Variants in EXOC6 observed in about 807,000 individuals in gnomAD.
EXOC6 encodes SEC15-like 1.
In EXOC6, 60 loss-of-function variants were observed where a neutral mutation model predicts 112.5. That is an observed-to-expected ratio of 0.53 (90% CI 0.43 to 0.66). The LOEUF (loss-of-function observed/expected upper bound fraction) is 0.66, where lower values mean the gene tolerates loss of function less well. Ranked by LOEUF, EXOC6 falls within the 30% of genes least tolerant of loss-of-function variation. The pLI is 0.00. For missense variants in EXOC6, 855 were observed against 957.1 expected, an observed-to-expected ratio of 0.89 and a Z score of 1.41; for synonymous variants, 295 against 308.0, an observed-to-expected ratio of 0.96 and a Z score of 0.44.
intron 1 of EXOC6, among the ~76,000 whole-genome samples, chr10:92,840,900 C>T (rs867684761): frequency 3.3e-5 from 5 of 152,128 alleles, no homozygotes; most frequent in East Asian, 3.9e-4. Context: ...TCCAGAAATC[C>T]GCCTGCCTTG....
chr10:92,919,996 G>A lies in EXOC6; in HGVS notation c.834G>A (p.Gln278=). ...TTAATTTTCAGATCTTAACTGTTCA[G>A]GATCTTGTTGATTTTTCCCCTGTTT... ...DENEEEILTV[Q]DLVDFSPVYR... is the part of the protein sequence containing the mutation. The change falls in exon 8 of 22, where the codon CAG becomes CAA. Residue 278 remains glutamine, a synonymous_variant. Transcript: ENST00000260762. 6.2e-7 allele frequency: 1 copy of A among 1,604,790 alleles called. No individual in the cohort carries two copies. Among genetic ancestry groups the A allele is most frequent in the Non-Finnish European group, 8.5e-7 (1 of 1,175,008 alleles).
intron 1 of EXOC6, among the ~76,000 whole-genome samples, chr10:92,858,208 C>A (rs1436995139): frequency 6.6e-6 from 1 of 151,956 alleles, no homozygotes; most frequent in African/African-American, 2.4e-5. Flanking sequence ...ATATGGATCT[C>A]TTTATGTTTA....
chr10:92,842,775 C>T (rs1564763947), intron 1 of EXOC6, among the ~76,000 whole-genome samples: 3 of 152,030 alleles, frequency 2.0e-5, no homozygotes, highest in African/African-American at 7.2e-5. Context: ...TGATATTGTT[C>T]TTTAACTGCT....
intron 18 of EXOC6, among the ~76,000 whole-genome samples, chr10:92,976,355 T>C (rs1015786778): frequency 1.3e-5 from 2 of 152,224 alleles, no homozygotes; most frequent in African/African-American, 4.8e-5. Context: ...TGTTGATCTG[T>C]GACCTTACCC....
chr10:92,947,236 C>T (rs1469984171), intron 13 of EXOC6, among the ~76,000 whole-genome samples: 2 of 152,190 alleles, frequency 1.3e-5, no homozygotes, highest in African/African-American at 4.8e-5. Flanking sequence ...GTTTCCTAGT[C>T]AGAGATACAA....
At chr10:92,903,093 A>G (rs1461328443) in intron 5 of EXOC6, among the ~76,000 whole-genome samples, 1 of 152,124 alleles carries the variant, frequency 6.6e-6, no homozygotes, top group Non-Finnish European at 1.5e-5. Flanking sequence ...AATGAATGCT[A>G]CACTTTTTAA....
intron 17 of EXOC6, among the ~76,000 whole-genome samples, chr10:92,963,661 A>G (rs28631480): frequency 2.0e-5 from 3 of 150,008 alleles, no homozygotes; most frequent in Non-Finnish European, 4.4e-5. Flanking sequence ...CCGATTTTTT[A>G]AAATTTATTT....
intron 18 of EXOC6, among the ~76,000 whole-genome samples, chr10:92,993,181 A>T (rs1330934514): frequency 6.6e-6 from 1 of 152,148 alleles, no homozygotes; most frequent in Non-Finnish European, 1.5e-5. Context: ...CAAGAGTTAG[A>T]CTTTTTAAAC....
chr10:92,940,917 C>A, intron 13 of EXOC6, 93 bp downstream of exon 13: 1 of 835,180 alleles, frequency 1.2e-6, no homozygotes, highest in South Asian at 1.6e-5. Context: ...TGCTTATAAT[C>A]ATTTTTATTG....
chr10:92,926,522 G>GA (rs1851731684), intron 8 of EXOC6, among the ~76,000 whole-genome samples: 1 of 146,548 alleles, frequency 6.8e-6, no homozygotes, highest in South Asian at 2.1e-4. Context: ...GAGGAGAAAA[G>GA]AAAAATAAAA....
At position 92,952,286 on chromosome 10, in the gene EXOC6, A is replaced by G; in HGVS notation, c.1430A>G (p.Lys477Arg). The change falls in exon 15 of 22, where the codon AAG becomes AGG. Residue 477 changes from lysine (K) to arginine (R), a missense_variant. Around this residue, in one of 2 missense-constraint regions of EXOC6, gnomAD observed 450 missense variants for 563.5 expected, o/e 0.80. Transcript: ENST00000260762. ...CTTTTTCTACAGCAGTCTTTCCCAAAGAAATTCCCCATGTCTCAGTCAGTG... is the reference window on the plus strand; with the variant it reads ...CTTTTTCTACAGCAGTCTTTCCCAAGGAAATTCCCCATGTCTCAGTCAGTG... ...DPDLEKQSFP[K>R]KFPMSQSVPH... 1 of 1,604,788 alleles carries G rather than the reference A, an allele frequency of 6.2e-7. No homozygotes were observed. Among genetic ancestry groups the G allele is most frequent in the Non-Finnish European group, 8.5e-7 (1 of 1,175,030 alleles).
intron 18 of EXOC6, among the ~76,000 whole-genome samples, chr10:92,986,731 T>C (rs74149188): frequency 0.052 from 7,896 of 151,742 alleles, 422 homozygotes; most frequent in East Asian, 0.15. Context: ...TTATTAAAAT[T>C]TGAAAAGTAA....
intron 1 of EXOC6, among the ~76,000 whole-genome samples, chr10:92,876,851 G>A (rs545806132): frequency 6.6e-6 from 1 of 152,124 alleles, no homozygotes; most frequent in South Asian, 2.1e-4. Context: ...ATTTCTCAAC[G>A]ATGGAAAAAA....
chr10:92,954,728 T>C lies in EXOC6; in HGVS notation c.1625T>C (p.Ile542Thr). Residue 542 changes from isoleucine to threonine, a missense_variant, in exon 16 of 22, where the codon ATA (isoleucine) becomes ACA (threonine). Ile to Thr is a moderately conservative substitution (Grantham distance 89, BLOSUM62 -1). Transcript: ENST00000260762. ...CLLNLIRKPH[I>T]GLTELVQIII... ...CTGAACCTTATTAGAAAACCTCATA[T>C]AGGTTTGACAGAGGTAGGTTAAAAA... is the stretch of plus-strand genomic sequence containing the variant. The C allele has an allele frequency of 6.5e-7, 1 of 1,534,208 alleles. No homozygotes were observed. The highest frequency in any genetic ancestry group is 9.0e-7 in the Non-Finnish European group (1 of 1,110,856).
At chr10:92,955,496 G>A in intron 16 of EXOC6, 84 bp from the exon 17 acceptor site, 1 of 1,081,688 alleles carries the variant, frequency 9.2e-7, no homozygotes, top group East Asian at 2.4e-5. Flanking sequence ...ACAGTTGCTG[G>A]AAGTAATAAT....
intron 17 of EXOC6, among the ~76,000 whole-genome samples, chr10:92,968,182 CTTTT>C (rs10593908): frequency 2.7e-4 from 37 of 135,350 alleles, no homozygotes; most frequent in Admixed American, 3.0e-4. Context: ...AGTGTTTCAC[CTTTT>C]TTTTTTTTTT....
At chr10:92,979,350 A>G (rs1380603548) in intron 18 of EXOC6, among the ~76,000 whole-genome samples, 1 of 152,182 alleles carries the variant, frequency 6.6e-6, no homozygotes, top group African/African-American at 2.4e-5. Flanking sequence ...TTAGTCAAAG[A>G]TTGTCATGAT....
chr10:92,999,848 G>T (rs1417275800), intron 19 of EXOC6, among the ~76,000 whole-genome samples: 5 of 151,828 alleles, frequency 3.3e-5, no homozygotes, highest in Admixed American at 6.6e-5. Context: ...GACTATAGGT[G>T]CCTGCCACCA....
chr10:93,031,518 T>C (rs1462887116), intron 20 of EXOC6, among the ~76,000 whole-genome samples: 7 of 146,406 alleles, frequency 4.8e-5, no homozygotes, highest in South Asian at 2.2e-4. Context: ...TTCTTTTTTT[T>C]TTTTTTTTTT....
Sources: gnomAD v4.1 joint callset for allele counts (sites outside exome capture counted in the v4.1 genomes callset) on GRCh38, gnomAD v4.1.1 for gene constraint, gnomAD v4.1.1 regional missense constraint, MANE v1.5 for transcripts, NCBI Gene and HGNC (gene_info 2026-07-23, HGNC 2026-07-21) for gene names.